The following TNIK variants were observed in gnomAD, a reference collection of about 807,000 sequenced individuals.
TNIK encodes TRAF2 and NCK interacting kinase, also known as TRAF2 and NCK-interacting protein kinase.
Under a neutral mutation model 191.3 loss-of-function variants are expected in TNIK, and 49 were observed. The ratio of observed to expected loss-of-function variants is 0.26; its 90% CI spans 0.20 to 0.32. The LOEUF (loss-of-function observed/expected upper bound fraction) is 0.32, where lower values mean the gene tolerates loss of function less well. TNIK is among the 10% of genes least tolerant of loss of function. TNIK has a pLI of 1.00. For synonymous variants in TNIK, 594 were observed against 600.9 expected, an observed-to-expected ratio of 0.99 and a Z score of 0.17; for missense variants, 1,155 against 1,702.3, an observed-to-expected ratio of 0.68 and a Z score of 5.66.
intron 2 of TNIK, among the ~76,000 whole-genome samples, chr3:171,268,582 C>T (rs1431701218): frequency 6.6e-6 from 1 of 152,016 alleles, no homozygotes; most frequent in Non-Finnish European, 1.5e-5. Flanking sequence ...TGATGTCCAG[C>T]TCTGGTTTTC....
At chr3:171,367,060 T>G (rs1024330430) in intron 2 of TNIK, among the ~76,000 whole-genome samples, 1 of 152,336 alleles carries the variant, frequency 6.6e-6, no homozygotes, top group East Asian at 1.9e-4. Flanking sequence ...TATTTCTTCA[T>G]AGCAGCGGGA....
At chr3:171,114,588 C>G (rs1203696217) in intron 18 of TNIK, among the ~76,000 whole-genome samples, 2 of 152,114 alleles carry the variant, frequency 1.3e-5, no homozygotes, top group African/African-American at 4.8e-5. Context: ...TGGAAAAATG[C>G]AGTGAAAAAC....
intron 1 of TNIK, among the ~76,000 whole-genome samples, chr3:171,429,001 T>C (rs1354185677): frequency 6.6e-6 from 1 of 152,202 alleles, no homozygotes; most frequent in Non-Finnish European, 1.5e-5. Flanking sequence ...ACATTGTTAA[T>C]TGAACAAATG....
intron 4 of TNIK, among the ~76,000 whole-genome samples, chr3:171,203,362 C>G (rs61792427): frequency 0.029 from 4,453 of 152,214 alleles, 99 homozygotes; most frequent in South Asian, 0.071. Flanking sequence ...CGATCTTACA[C>G]AGGGGCTGGG....
chr3:171,208,407 TTAC>T (rs1225948893), intron 4 of TNIK, among the ~76,000 whole-genome samples: 1 of 152,092 alleles, frequency 6.6e-6, no homozygotes, highest in Non-Finnish European at 1.5e-5. Flanking sequence ...ATTACTGAAA[TTAC>T]TACCTCAAAT....
At chr3:171,428,424 G>A (rs1724924261) in intron 1 of TNIK, among the ~76,000 whole-genome samples, 1 of 152,174 alleles carries the variant, frequency 6.6e-6, no homozygotes, top group South Asian at 2.1e-4. Context: ...AGACTGCAGG[G>A]TCATAGCTTT....
intron 1 of TNIK, among the ~76,000 whole-genome samples, chr3:171,375,553 G>A (rs1357525269): frequency 6.6e-6 from 1 of 152,040 alleles, no homozygotes; most frequent in Non-Finnish European, 1.5e-5. Flanking sequence ...AATTTAGATG[G>A]CATTGGCAGG....
At chr3:171,458,556 G>A (rs1729038920) in intron 1 of TNIK, among the ~76,000 whole-genome samples, 2 of 152,220 alleles carry the variant, frequency 1.3e-5, no homozygotes, top group South Asian at 4.1e-4. Context: ...TCAAAGAGAT[G>A]TGGAGGAAAA....
rs376288605 is a variant in TNIK, at chr3:171,211,256, T to C, written c.181-15A>G. On this transcript the variant is annotated splice_polypyrimidine_tract_variant and intron_variant, in intron 3 of 32. Transcript: ENST00000436636. ...TCCTCTTCATCCTGTATGAGAACAA[T>C]ATAAAAATTCTGTCATGAAAATCTA... is the stretch of plus-strand genomic sequence containing the variant. 4.6e-5 allele frequency: 73 copies of C among 1,579,234 alleles called. No homozygotes were observed. Among genetic ancestry groups the C allele is most frequent in the Non-Finnish European group, 5.9e-5 (68 of 1,161,614 alleles).
chr3:171,273,891 G>A (rs1356726651), intron 2 of TNIK, among the ~76,000 whole-genome samples: 1 of 152,162 alleles, frequency 6.6e-6, no homozygotes, highest in African/African-American at 2.4e-5. Context: ...TTAACAGCCT[G>A]ATTTACTTTA....
At chr3:171,076,215 C>T (rs1405652726) in intron 28 of TNIK, among the ~76,000 whole-genome samples, 1 of 152,066 alleles carries the variant, frequency 6.6e-6, no homozygotes, top group Admixed American at 6.5e-5. Context: ...AGCCCCAACA[C>T]TTCCTAATAT....
intron 18 of TNIK, among the ~76,000 whole-genome samples, chr3:171,117,852 C>T (rs1576870824): frequency 6.6e-6 from 1 of 152,098 alleles, no homozygotes; most frequent in Non-Finnish European, 1.5e-5. Flanking sequence ...CCCCTGTAGT[C>T]CCAGCTACTT....
chr3:171,383,989 A>T (rs930277947), intron 1 of TNIK, among the ~76,000 whole-genome samples: 65 of 152,326 alleles, frequency 4.3e-4, no homozygotes, highest in African/African-American at 1.2e-3. Context: ...CTCCCCAGGC[A>T]TCAGCTACAG....
chr3:171,189,719 T>C (rs1166264850), intron 6 of TNIK, among the ~76,000 whole-genome samples: 2 of 152,228 alleles, frequency 1.3e-5, no homozygotes, highest in Non-Finnish European at 2.9e-5. Flanking sequence ...GAAAATTGTC[T>C]TGTACAGGGC....
At chr3:171,175,402 C>T in intron 8 of TNIK, 72 bp from the exon 9 acceptor site, 3 of 1,316,002 alleles carry the variant, frequency 2.3e-6, no homozygotes, top group South Asian at 1.5e-5. Flanking sequence ...CTTGGCTGTG[C>T]AGATAATGGC....
At chr3:171,320,625 C>CA (rs1223170955) in intron 2 of TNIK, among the ~76,000 whole-genome samples, 1 of 149,894 alleles carries the variant, frequency 6.7e-6, no homozygotes, top group African/African-American at 2.5e-5. Context: ...TGGAAAAAAA[C>CA]AAAAAATGTT....
chr3:171,250,533 C>CCCTT (rs920718443), intron 2 of TNIK, among the ~76,000 whole-genome samples: 1 of 152,058 alleles, frequency 6.6e-6, no homozygotes, highest in African/African-American at 2.4e-5. Flanking sequence ...TGATATTAAC[C>CCCTT]CCTTCCATCC....
rs151094921 is a variant in TNIK, at chr3:171,109,966, G to A, written c.2284+748C>T. Reference sequence around the variant, plus strand: ...GTTGCCAAGGCTGGAGTACAATGGCGTGATCTTGGCTCACCACAACCTCTG... The same window carrying A: ...GTTGCCAAGGCTGGAGTACAATGGCATGATCTTGGCTCACCACAACCTCTG... On this transcript the variant is annotated intron_variant, in intron 19 of 32. Transcript: ENST00000436636. Among the ~76,000 whole-genome samples the A allele has an allele frequency of 3.4e-3, 514 of 151,826 alleles. 7 individuals are homozygous for A. The highest frequency in any genetic ancestry group is 0.012 in the African/African-American group (485 of 41,396).
chr3:171,111,060 C>T (rs1576847410), intron 18 of TNIK, among the ~76,000 whole-genome samples, 183 bp from the exon 19 acceptor site: 1 of 152,294 alleles, frequency 6.6e-6, no homozygotes, highest in Middle Eastern at 3.4e-3. Flanking sequence ...TAAAAGGAGA[C>T]ATGCAGATAG....
Sources: allele counts gnomAD v4.1 joint callset (sites outside exome capture counted in the v4.1 genomes callset), GRCh38; gene constraint gnomAD v4.1.1; transcripts MANE v1.5; gene names NCBI Gene and HGNC (gene_info 2026-07-23, HGNC 2026-07-21).